The following INSL6 variants were observed in gnomAD, a reference collection of about 807,000 sequenced individuals.
The protein encoded by INSL6 is insulin like 6, also known as insulin-like peptide INSL6.
INSL6 carries 16 observed loss-of-function variants against 9.4 expected under a neutral mutation model. The ratio of observed to expected loss-of-function variants is 1.70; its 90% CI spans 1.15 to 2.59. INSL6 has a LOEUF of 2.59. Ranked by LOEUF, INSL6 falls within the 30% of genes most tolerant of loss-of-function variation. The pLI is 0.00. For synonymous variants in INSL6, 154 were observed against 96.9 expected (o/e 1.59, Z -3.46); for missense variants, 391 against 257.3 (o/e 1.52, Z -3.56).
At chr9:5,010,194 AG>A in the INSL6 span, among the ~76,000 whole-genome samples, 3 of 152,116 alleles carry the variant, frequency 2.0e-5, no homozygotes, top group Non-Finnish European at 4.4e-5. Context: ...TATTTGTCGG[AG>A]CCGCCATGAA....
the INSL6 span, among the ~76,000 whole-genome samples, chr9:5,116,401 A>G: frequency 2.0e-5 from 3 of 152,246 alleles, no homozygotes; most frequent in Admixed American, 2.0e-4. Context: ...TGTCGTCATG[A>G]TAAACATTAG....
downstream of INSL6, chr9:5,122,894 A>C: frequency 6.1e-6 from 4 of 656,798 alleles, no homozygotes; most frequent in Non-Finnish European, 1.0e-5. Context: ...TGCTGTGATA[A>C]CTCTTTTCTC....
At chr9:5,175,713 T>C (rs1252469897) in intron 1 of INSL6, among the ~76,000 whole-genome samples, 1 of 152,080 alleles carries the variant, frequency 6.6e-6, no homozygotes, top group African/African-American at 2.4e-5. Context: ...TATAGGAGTG[T>C]GAACCCTATT....
At chr9:5,068,230 T>G in the INSL6 span, among the ~76,000 whole-genome samples, 1 of 151,614 alleles carries the variant, frequency 6.6e-6, no homozygotes, top group African/African-American at 2.4e-5. Context: ...TGATTGACCT[T>G]GAGGTATTGG....
the INSL6 span, among the ~76,000 whole-genome samples, chr9:5,024,180 C>T: frequency 2.6e-5 from 4 of 152,112 alleles, no homozygotes; most frequent in Non-Finnish European, 5.9e-5. Context: ...GGCATGAACC[C>T]AGGAGGCGGA....
At chr9:5,090,990 A>G in the INSL6 span, 1 of 1,067,272 alleles carries the variant, frequency 9.4e-7, no homozygotes, top group Non-Finnish European at 1.3e-6. Context: ...ATAGTTTGCC[A>G]TTTCTATATT....
chr9:5,002,539 T>A, the INSL6 span, among the ~76,000 whole-genome samples: 5 of 152,026 alleles, frequency 3.3e-5, no homozygotes, highest in Non-Finnish European at 5.9e-5. Flanking sequence ...AATTGGTTTA[T>A]GGACCAACCT....
At chr9:5,156,413 C>T (rs1824815480) in intron 2 of INSL6, among the ~76,000 whole-genome samples, 1 of 152,088 alleles carries the variant, frequency 6.6e-6, no homozygotes, top group Non-Finnish European at 1.5e-5. Flanking sequence ...GCTATTGATG[C>T]AAAACCCCAT....
At chr9:5,101,572 C>T in the INSL6 span, among the ~76,000 whole-genome samples, 4 of 152,260 alleles carry the variant, frequency 2.6e-5, no homozygotes, top group African/African-American at 9.6e-5. Context: ...GACAGACTGC[C>T]TCAGGTGGAT....
At chr9:5,136,887 A>C (rs991118022) in intron 2 of INSL6, among the ~76,000 whole-genome samples, 1 of 152,180 alleles carries the variant, frequency 6.6e-6, no homozygotes, top group Non-Finnish European at 1.5e-5. Context: ...GTCTCAGCCC[A>C]AAATCTCCTT....
At chr9:5,085,525 A>G in the INSL6 span, 12 of 716,990 alleles carry the variant, frequency 1.7e-5, no homozygotes, top group African/African-American at 1.7e-4. Flanking sequence ...ACCACACACC[A>G]AATCTTCAAT....
chr9:5,135,338 A>G (rs1255577412), intron 2 of INSL6, among the ~76,000 whole-genome samples: 1 of 150,576 alleles, frequency 6.6e-6, no homozygotes, highest in Non-Finnish European at 1.5e-5. Context: ...AGCAGACCTA[A>G]CAGACATCTA....
At chr9:5,143,681 A>G (rs1185287859) in intron 2 of INSL6, among the ~76,000 whole-genome samples, 1 of 144,582 alleles carries the variant, frequency 6.9e-6, no homozygotes, top group Non-Finnish European at 1.5e-5. Flanking sequence ...TTTTTTTCAG[A>G]TGAAGTCTCA....
In INSL6 at chr9:5,164,179, C is replaced by T. The variant is rs1470846896; in HGVS notation, c.376G>A (p.Gly126Ser). ...YKDKKGYSPL[G>S]KTREFSSSHN... Reference sequence around the variant, plus strand: ...GATGAAGAAAATTCTCTTGTCTTACCAAGGGGTGAATATCCCTTTTTATCC... The same window carrying T: ...GATGAAGAAAATTCTCTTGTCTTACTAAGGGGTGAATATCCCTTTTTATCC... The change falls in exon 2 of 2, where the codon GGT becomes AGT. Residue 126 changes from glycine (G) to serine (S), a missense_variant. Coordinates refer to ENST00000381641, the MANE Select transcript of INSL6 (RefSeq NM_007179.3). The T allele has an allele frequency of 6.2e-7, 1 of 1,607,200 alleles. No individual in the cohort carries two copies. The highest frequency in any genetic ancestry group is 8.5e-7 in the Non-Finnish European group (1 of 1,177,220).
the INSL6 span, chr9:5,030,012 ATTAG>A: frequency 1.1e-6 from 1 of 870,570 alleles, no homozygotes; most frequent in Admixed American, 2.7e-5. Flanking sequence ...ACCTGAACCA[ATTAG>A]TTAGCACTCA....
chr9:5,124,314 G>GT (rs1414381702), exon 4 of INSL6, among the ~76,000 whole-genome samples: 10 of 150,926 alleles, frequency 6.6e-5, no homozygotes, highest in Admixed American at 4.6e-4. Context: ...TTTTCTCTAG[G>GT]TTTTTTTTCT....
At chr9:5,164,536 A>G (rs532569539) in intron 1 of INSL6, among the ~76,000 whole-genome samples, 5 of 152,218 alleles carry the variant, frequency 3.3e-5, no homozygotes, top group Admixed American at 1.3e-4. Flanking sequence ...AAAGAATACA[A>G]TTCAGTGGGT....
chr9:4,994,894 ATGTC>A, the INSL6 span, among the ~76,000 whole-genome samples: 1 of 152,250 alleles, frequency 6.6e-6, no homozygotes, highest in African/African-American at 2.4e-5. Context: ...ACACATTTAA[ATGTC>A]TTAGAATTCA....
the INSL6 span, chr9:5,089,673 G>C: frequency 1.5e-6 from 2 of 1,353,696 alleles, no homozygotes; most frequent in Non-Finnish European, 1.9e-6. Flanking sequence ...GTGTCATTTA[G>C]GGTAATTTTG....
Sources: gnomAD v4.1 joint callset for allele counts (sites outside exome capture counted in the v4.1 genomes callset) on GRCh38, gnomAD v4.1.1 for gene constraint, MANE v1.5 for transcripts, NCBI Gene and HGNC (gene_info 2026-07-23, HGNC 2026-07-21) for gene names.